Variants in AMOTL1 observed in about 807,000 individuals in gnomAD.
AMOTL1 encodes angiomotin-like protein 1.
Under a neutral mutation model 102.9 loss-of-function variants are expected in AMOTL1, and 45 were observed. The observed-to-expected ratio is 0.44, with a 90% confidence interval of 0.34 to 0.56. The LOEUF is 0.56. AMOTL1 is among the 20% of genes least tolerant of loss of function. The pLI, the probability that AMOTL1 is intolerant of heterozygous loss-of-function variation, is 0.01. For missense variants in AMOTL1, 1,114 were observed against 1,225.6 expected, an observed-to-expected ratio of 0.91 and a Z score of 1.36; for synonymous variants, 481 against 484.7, an observed-to-expected ratio of 0.99 and a Z score of 0.10.
At chr11:94,848,926 A>G (rs1004021546) in intron 6 of AMOTL1, among the ~76,000 whole-genome samples, 1 of 152,234 alleles carries the variant, frequency 6.6e-6, no homozygotes, top group African/African-American at 2.4e-5. Flanking sequence ...GAATGAATGC[A>G]AACACTGTTA....
chr11:94,794,803 T>C (rs1036208902), intron 1 of AMOTL1, among the ~76,000 whole-genome samples: 2 of 152,216 alleles, frequency 1.3e-5, no homozygotes, highest in African/African-American at 4.8e-5. Flanking sequence ...TGAGGACTGT[T>C]ATGTTGACCT....
At position 94,859,552 on chromosome 11, in the gene AMOTL1, A is replaced by G. The variant is rs1473515167; in HGVS notation, c.1972A>G (p.Met658Val). The change falls in exon 9 of 13, where the codon ATG (methionine) becomes GTG (valine). Residue 658 changes from methionine to valine, a missense_variant. Coordinates refer to ENST00000433060, the MANE Select transcript of AMOTL1 (RefSeq NM_130847.3). ...ACATGGAAATGGCCAGCCAGCCAAC[A>G]TGCCGGAATACAATGCCCCAGCCCT... ...QKHGNGQPAN[M>V]PEYNAPALLE... 1.2e-6 allele frequency: 2 copies of G among 1,612,268 alleles called. No homozygotes were observed. Among genetic ancestry groups the G allele is most frequent in the Non-Finnish European group, 1.7e-6 (2 of 1,179,252 alleles).
intron 3 of AMOTL1, among the ~76,000 whole-genome samples, chr11:94,818,362 G>T (rs1041891959): frequency 2.9e-4 from 44 of 152,186 alleles, no homozygotes; most frequent in Admixed American, 2.6e-4. Context: ...TTGAGGTGAG[G>T]AATTCACCCA....
Position 94,768,411 on chromosome 11 carries a change from G to C in AMOTL1, c.-101G>C, listed in dbSNP as rs1369046649. On this transcript the variant is annotated 5_prime_UTR_variant, in exon 1 of 13. Coordinates refer to ENST00000433060, the MANE Select transcript of AMOTL1 (RefSeq NM_130847.3). Reference sequence around the variant, plus strand: ...GGTTGTCGGGTTTGGGGCTGGAGGTGAAGCCCTGTGTGAATGGGGTTGATT... The same window carrying C: ...GGTTGTCGGGTTTGGGGCTGGAGGTCAAGCCCTGTGTGAATGGGGTTGATT... 4.6e-5 allele frequency: 71 copies of C among 1,531,186 alleles called. No homozygotes were observed. Among genetic ancestry groups the C allele is most frequent in the Non-Finnish European group, 6.0e-5 (68 of 1,140,912 alleles). The allele number at this position is 1,531,186 out of a possible 1,614,324, so 94.8% of individuals were successfully genotyped here.
chr11:94,852,280 A>G (rs1305896051), intron 7 of AMOTL1, among the ~76,000 whole-genome samples: 5 of 152,234 alleles, frequency 3.3e-5, no homozygotes, highest in Non-Finnish European at 5.9e-5. Flanking sequence ...TGAAAGGTCA[A>G]AGCATCTCCA....
intron 1 of AMOTL1, among the ~76,000 whole-genome samples, chr11:94,716,025 C>T (rs1004891863): frequency 6.6e-6 from 1 of 152,042 alleles, no homozygotes; most frequent in Non-Finnish European, 1.5e-5. Context: ...CCTACAGAGC[C>T]TCTGAGGCTC....
Position 94,768,533 on chromosome 11 carries a change from C to A in AMOTL1, c.22C>A (p.Arg8=). 1 of 1,601,978 alleles carries A rather than the reference C, an allele frequency of 6.2e-7. No individual in the cohort carries two copies. The highest frequency in any genetic ancestry group is 2.3e-5 in the East Asian group (1 of 44,090). Residue 8 remains arginine, a synonymous_variant, in exon 1 of 13, where the codon CGG becomes AGG. Coordinates refer to ENST00000433060, the MANE Select transcript of AMOTL1 (RefSeq NM_130847.3). MWRAKLR[R]GTCEPAVKGS... is the part of the protein sequence containing the mutation. ...CCTCATGTGGAGGGCAAAGTTGCGC[C>A]GGGGAACTTGTGAGCCTGCGGTGAA...
chr11:94,868,624 G>A (rs1467918796), intron 11 of AMOTL1, among the ~76,000 whole-genome samples: 1 of 152,150 alleles, frequency 6.6e-6, no homozygotes, highest in Admixed American at 6.5e-5. Flanking sequence ...AAGCCTGTGG[G>A]GGACCATCAT....
chr11:94,721,944 C>T (rs1157653228), intron 1 of AMOTL1, among the ~76,000 whole-genome samples: 2 of 152,124 alleles, frequency 1.3e-5, no homozygotes, highest in Non-Finnish European at 2.9e-5. Context: ...ATATCCTATT[C>T]TTGGCTCATA....
intron 6 of AMOTL1, among the ~76,000 whole-genome samples, chr11:94,836,111 T>A (rs1952174956): frequency 6.6e-6 from 1 of 152,216 alleles, no homozygotes; most frequent in Non-Finnish European, 1.5e-5. Context: ...TTTTTTTATT[T>A]CTATAAGGTC....
In AMOTL1 at chr11:94,864,780, G is replaced by C; in HGVS notation, c.2181G>C (p.Glu727Asp). ...INHSRNGSYG[E>D]SSLEAHIWQE... ...ACTCACGGAATGGCAGCTACGGAGA[G>C]AGCTCGCTGGAGGCCCACATCTGGC... Residue 727 changes from glutamate (E) to aspartate (D), a missense_variant, in exon 10 of 13, where the codon GAG becomes GAC. Coordinates refer to ENST00000433060, the MANE Select transcript of AMOTL1 (RefSeq NM_130847.3). 6.2e-7 allele frequency: 1 copy of C among 1,613,878 alleles called. No individual in the cohort carries two copies. The highest frequency in any genetic ancestry group is 8.5e-7 in the Non-Finnish European group (1 of 1,179,804).
intron 4 of AMOTL1, among the ~76,000 whole-genome samples, chr11:94,823,629 G>T (rs1348527832): frequency 6.6e-6 from 1 of 152,020 alleles, no homozygotes; most frequent in Admixed American, 6.5e-5. Flanking sequence ...TGGTGCTGGG[G>T]TTTTTCCCAT....
In AMOTL1 at chr11:94,864,654, G is replaced by A. The variant is rs947172696; in HGVS notation, c.2136-81G>A. The A allele has an allele frequency of 3.9e-6, 6 of 1,544,932 alleles. No homozygotes were observed. The African/African-American group carries it at 5.4e-5, about 14-fold the overall frequency. On this transcript the variant is annotated intron_variant, in intron 9 of 12. Transcript: ENST00000433060. ...GATCTCTGTTCCAGCATGAACACCA[G>A]CCTCTCCATTCTGTGTCTGTTTGCA... is the stretch of plus-strand genomic sequence containing the variant.
At chr11:94,839,515 T>C (rs754695374) in intron 6 of AMOTL1, among the ~76,000 whole-genome samples, 24 of 152,202 alleles carry the variant, frequency 1.6e-4, no homozygotes, top group Non-Finnish European at 3.1e-4. Context: ...CCCAAACTTA[T>C]ACTGAACTGC....
chr11:94,856,620 T>C (rs2135722466), intron 8 of AMOTL1, among the ~76,000 whole-genome samples: 1 of 152,314 alleles, frequency 6.6e-6, no homozygotes, highest in South Asian at 2.1e-4. Flanking sequence ...TGCCAGTTCT[T>C]GGGCAGCAGC....
At chr11:94,808,932 T>TTCTACCA (rs1254119573) in intron 3 of AMOTL1, among the ~76,000 whole-genome samples, 1 of 151,998 alleles carries the variant, frequency 6.6e-6, no homozygotes, top group African/African-American at 2.4e-5. Context: ...TATTTTCCTT[T>TTCTACCA]TCTACCAAGT....
upstream of AMOTL1, among the ~76,000 whole-genome samples, chr11:94,764,401 T>C (rs1308914738): frequency 6.6e-6 from 1 of 152,214 alleles, no homozygotes; most frequent in Non-Finnish European, 1.5e-5. Context: ...TTTCATAAGT[T>C]ACACTTCAGA....
intron 6 of AMOTL1, among the ~76,000 whole-genome samples, chr11:94,841,277 C>A (rs890496783): frequency 2.6e-5 from 4 of 152,164 alleles, no homozygotes; most frequent in African/African-American, 9.6e-5. Context: ...CACCATGAAA[C>A]CCCATCTCTA....
chr11:94,760,700 T>C (rs1224980078), intron 3 of AMOTL1, among the ~76,000 whole-genome samples: 1 of 152,266 alleles, frequency 6.6e-6, no homozygotes, highest in African/African-American at 2.4e-5. Context: ...TGCTCCTTTT[T>C]TTCATTGCAC....
Sources: gnomAD v4.1 joint callset for allele counts (sites outside exome capture counted in the v4.1 genomes callset) on GRCh38, gnomAD v4.1.1 for gene constraint, MANE v1.5 for transcripts, NCBI Gene and HGNC (gene_info 2026-07-23, HGNC 2026-07-21) for gene names.